The following SFT2D2 variants were observed in gnomAD, a reference collection of about 807,000 sequenced individuals.
SFT2D2 encodes the protein SFT2 domain containing 2.
Under a neutral mutation model 27.4 loss-of-function variants are expected in SFT2D2, and 21 were observed. The observed-to-expected ratio is 0.77, with a 90% CI of 0.54 to 1.10. The LOEUF is 1.10. SFT2D2 is among the 50% of genes least tolerant of loss of function. The pLI is 0.00. For missense variants in SFT2D2, 187 were observed against 194.2 expected (o/e 0.96, Z 0.22); for synonymous variants, 72 against 71.7 (o/e 1.00, Z -0.02).
chr1:168,239,144 T>C lies in SFT2D2; in HGVS notation c.427T>C (p.Phe143Leu), dbSNP rs1314751007. Residue 143 changes from phenylalanine to leucine, a missense_variant, in exon 7 of 8, where the codon TTC becomes CTC. Physicochemically the swap from Phe to Leu is conservative, Grantham distance 22 (BLOSUM62 0). Transcript: ENST00000271375. ...SLALTWYSLS[F>L]IPFARDAVKK... ...TTTTCATTATAGGTACAGCCTTTCC[T>C]TCATACCATTTGCAAGGTAAGACTG... 1 of 1,607,496 alleles carries C rather than the reference T, an allele frequency of 6.2e-7. No individual in the cohort carries two copies. Among genetic ancestry groups the C allele is most frequent in the South Asian group, 1.1e-5 (1 of 90,942 alleles).
intron 4 of SFT2D2, among the ~76,000 whole-genome samples, chr1:168,236,346 C>T (rs936054347): frequency 1.3e-5 from 2 of 152,164 alleles, no homozygotes; most frequent in East Asian, 3.8e-4. Context: ...GATTTGTTTG[C>T]TGGGCAGAGG....
chr1:168,236,817 A>G (rs1214258859), intron 6 of SFT2D2, 47 bp downstream of exon 6: 3 of 1,589,542 alleles, frequency 1.9e-6, no homozygotes, highest in Non-Finnish European at 2.6e-6. Context: ...CCACTGAATA[A>G]TGTAGCCAAA....
chr1:168,250,986 A>T lies in SFT2D2; in HGVS notation c.*8446A>T, dbSNP rs1647937508. 1 of 152,246 alleles carries T rather than the reference A, an allele frequency of 6.6e-6. No individual in the cohort carries two copies. Among genetic ancestry groups the T allele is most frequent in the Non-Finnish European group, 1.5e-5 (1 of 68,098 alleles). 9.4% of individuals were successfully genotyped at this position (152,246 alleles called of 1,614,324 possible). ...CTGCAGGCTCAGGGAGCAAGAAATA[A>T]AATCATGAAATGCATTCCAAATAAA... On this transcript the variant is annotated 3_prime_UTR_variant, in exon 8 of 8. Transcript: ENST00000271375.
rs2205699 is a variant in SFT2D2 at position 168,246,261 on chromosome 1, C to A, written c.*3721C>A. ...TGCTGTAGCATCACATTTGGCTTGACTATCAATTACTGTTTTTTCTTGATT... is the reference window on the plus strand; with the variant it reads ...TGCTGTAGCATCACATTTGGCTTGAATATCAATTACTGTTTTTTCTTGATT... On this transcript the variant is annotated 3_prime_UTR_variant, in exon 8 of 8. Coordinates refer to ENST00000271375, the MANE Select transcript of SFT2D2 (RefSeq NM_199344.3). 222,830 of 364,396 alleles carry A rather than the reference C, an allele frequency of 0.61. 69,693 individuals carry two copies. The highest frequency in any genetic ancestry group is 0.66 in the Non-Finnish European group (127,018 of 191,034). 22.6% of individuals were successfully genotyped at this position (364,396 alleles called of 1,614,324 possible).
chr1:168,235,743 C>T (rs1207535140), intron 4 of SFT2D2, among the ~76,000 whole-genome samples: 1 of 152,164 alleles, frequency 6.6e-6, no homozygotes, highest in African/African-American at 2.4e-5. Flanking sequence ...ACCCTAAATG[C>T]CTCTCATTTT....
Position 168,252,318 on chromosome 1 carries a change from C to T in SFT2D2, c.*9778C>T, listed in dbSNP as rs528733511. The T allele has an allele frequency of 9.2e-5, 14 of 152,234 alleles. No homozygotes were observed. The highest frequency in any genetic ancestry group is 8.3e-4 in the South Asian group (4 of 4,824). The allele number at this position is 152,234 out of a possible 1,614,324, so 9.4% of individuals were successfully genotyped here. A position where few individuals can be genotyped will look rare whatever the true frequency, so the allele number is the denominator to read the frequency against. On this transcript the variant is annotated 3_prime_UTR_variant, in exon 8 of 8. Transcript: ENST00000271375. ...AAACAACAAAAGGACAACTGGTCCC[C>T]GATATAAATGGACTAGCTACCTGGA...
At chr1:168,239,737 C>T (rs1219400166) in intron 7 of SFT2D2, among the ~76,000 whole-genome samples, 1 of 152,074 alleles carries the variant, frequency 6.6e-6, no homozygotes, top group Non-Finnish European at 1.5e-5. Flanking sequence ...ATACTCCATA[C>T]CTCTTTAAGC....
chr1:168,235,692 C>G (rs1472126456), intron 4 of SFT2D2, among the ~76,000 whole-genome samples: 1 of 152,204 alleles, frequency 6.6e-6, no homozygotes, highest in Non-Finnish European at 1.5e-5. Flanking sequence ...CCTGCTCTGA[C>G]AACATTGTCT....
At chr1:168,227,037 C>G (rs1266769987) in intron 1 of SFT2D2, among the ~76,000 whole-genome samples, 1 of 152,066 alleles carries the variant, frequency 6.6e-6, no homozygotes, top group East Asian at 1.9e-4. Context: ...CCGGGCTGGT[C>G]TCGAACTCCT....
In SFT2D2 at chr1:168,231,879, G is replaced by A. The variant is rs752233992; in HGVS notation, c.196G>A (p.Ala66Thr). 3.4e-5 allele frequency: 55 copies of A among 1,613,952 alleles called. No individual in the cohort carries two copies. The highest frequency in any genetic ancestry group is 4.4e-5 in the Non-Finnish European group (52 of 1,180,010). ...GCCCAGGAAGGGACTACACCTCTTC[G>A]CAGTGTTTTATACCTTTGGTAATAT... ...WVPRKGLHLFAVFYTFGNIAS... is the reference protein window; with the variant it reads ...WVPRKGLHLFTVFYTFGNIAS... The change falls in exon 3 of 8, where the codon GCA becomes ACA. Residue 66 changes from alanine (A) to threonine (T), a missense_variant. Coordinates refer to ENST00000271375, the MANE Select transcript of SFT2D2 (RefSeq NM_199344.3).
At chr1:168,240,145 A>C (rs539608177) in intron 7 of SFT2D2, among the ~76,000 whole-genome samples, 4 of 148,548 alleles carry the variant, frequency 2.7e-5, no homozygotes, top group Admixed American at 2.0e-4. Flanking sequence ...ACTGCACTCC[A>C]GCCTGGGCGA....
intron 7 of SFT2D2, among the ~76,000 whole-genome samples, chr1:168,239,605 G>C (rs1647592194): frequency 6.6e-6 from 1 of 151,916 alleles, no homozygotes; most frequent in South Asian, 2.1e-4. Flanking sequence ...CAGTACCAGG[G>C]CTTCCTAATT....
chr1:168,235,501 C>T (rs1647471027), intron 4 of SFT2D2, among the ~76,000 whole-genome samples: 1 of 152,198 alleles, frequency 6.6e-6, no homozygotes, highest in Admixed American at 6.5e-5. Flanking sequence ...CTGTGGAAGC[C>T]ACACACAGGC....
chr1:168,240,924 T>C (rs1407753168), intron 7 of SFT2D2, among the ~76,000 whole-genome samples: 1 of 151,906 alleles, frequency 6.6e-6, no homozygotes, highest in Admixed American at 6.6e-5. Flanking sequence ...AAAAAAAGAT[T>C]AAGAATTTCA....
intron 7 of SFT2D2, among the ~76,000 whole-genome samples, chr1:168,241,407 G>A (rs1171038207): frequency 6.6e-6 from 1 of 151,716 alleles, no homozygotes; most frequent in Non-Finnish European, 1.5e-5. Context: ...TGGCCAGGCT[G>A]GTCTCGAACT....
chr1:168,238,818 T>G (rs1424754276), intron 6 of SFT2D2, among the ~76,000 whole-genome samples: 1 of 152,242 alleles, frequency 6.6e-6, no homozygotes, highest in East Asian at 1.9e-4. Flanking sequence ...TCTGACTGTT[T>G]AAGGTGATTG....
At position 168,247,177 on chromosome 1, in the gene SFT2D2, C is replaced by T. The variant is rs1353424005; in HGVS notation, c.*4637C>T. The T allele has an allele frequency of 2.2e-5, 6 of 268,412 alleles. No homozygotes were observed. Among genetic ancestry groups the T allele is most frequent in the Non-Finnish European group, 4.5e-5 (6 of 132,386 alleles). 16.6% of individuals were successfully genotyped at this position (268,412 alleles called of 1,614,324 possible). On this transcript the variant is annotated 3_prime_UTR_variant, in exon 8 of 8. Coordinates refer to ENST00000271375, the MANE Select transcript of SFT2D2 (RefSeq NM_199344.3). ...ATCTTTAAGTTCCACTGATCTTTTA[C>T]ATAAATAAACTGCATTTTTAATTTT...
In SFT2D2 at chr1:168,247,223, G is replaced by T; in HGVS notation, c.*4683G>T. The T allele has an allele frequency of 7.6e-6, 2 of 263,560 alleles. No homozygotes were observed. The allele number at this position is 263,560 out of a possible 1,614,324, so 16.3% of individuals were successfully genotyped here. A position where few individuals can be genotyped will look rare whatever the true frequency, so the allele number is the denominator to read the frequency against. The stretch of plus-strand genomic sequence containing the variant: ...ATTTTCTTTTTTTATATGAGATTCT[G>T]GAAATACTTCTTTTTTTAAATTATA... On this transcript the variant is annotated 3_prime_UTR_variant, in exon 8 of 8. Coordinates refer to ENST00000271375, the MANE Select transcript of SFT2D2 (RefSeq NM_199344.3).
Position 168,242,790 on chromosome 1 carries a change from T to C in SFT2D2, c.*250T>C. ...GAGTGGAATCTTCCTCATGTACCTG[T>C]TTCCTCTCTGGATGTTGTCCCACTG... is the stretch of plus-strand genomic sequence containing the variant. On this transcript the variant is annotated 3_prime_UTR_variant, in exon 8 of 8. Transcript: ENST00000271375. The C allele has an allele frequency of 2.0e-6, 1 of 511,556 alleles. No homozygotes were observed. Among genetic ancestry groups the C allele is most frequent in the Non-Finnish European group, 3.6e-6 (1 of 280,872 alleles). The allele number at this position is 511,556 out of a possible 1,614,324, so 31.7% of individuals were successfully genotyped here. A position where few individuals can be genotyped will look rare whatever the true frequency, so the allele number is the denominator to read the frequency against.
Sources: gnomAD v4.1 joint callset for allele counts (sites outside exome capture counted in the v4.1 genomes callset) on GRCh38, gnomAD v4.1.1 for gene constraint, MANE v1.5 for transcripts, NCBI Gene and HGNC (gene_info 2026-07-23, HGNC 2026-07-21) for gene names.